KATNBL1: variants seen among roughly 807,000 people sequenced by gnomAD.
KATNBL1 encodes the protein KATNB1-like protein 1.
Under a neutral mutation model 44.7 loss-of-function variants are expected in KATNBL1, and 28 were observed. The ratio of observed to expected loss-of-function variants is 0.63; its 90% CI spans 0.46 to 0.86. The LOEUF (loss-of-function observed/expected upper bound fraction) is 0.86. Among genes scored for constraint, KATNBL1 ranks in the 40% least tolerant of loss-of-function variants. The probability of loss-of-function intolerance (pLI) is 0.00; values close to 1 mark genes in which losing one functional copy is unlikely to be tolerated. For synonymous variants in KATNBL1, 78 were observed against 114.9 expected (o/e 0.68, Z 2.06); for missense variants, 272 against 350.7 (o/e 0.78, Z 1.79).
At chr15:34,152,606 T>C (rs577248019) in intron 4 of KATNBL1, among the ~76,000 whole-genome samples, 184 bp downstream of exon 4, 1 of 152,348 alleles carries the variant, frequency 6.6e-6, no homozygotes, top group Admixed American at 6.5e-5. Context: ...CTTAGAGAAA[T>C]GGAATAAATT....
At chr15:34,193,881 TCAC>T (rs1889960741) in intron 1 of KATNBL1, among the ~76,000 whole-genome samples, 1 of 55,252 alleles carries the variant, frequency 1.8e-5, no homozygotes, top group Non-Finnish European at 4.2e-5. Context: ...AAAAAAAAAA[TCAC>T]CAGCAAAATC....
At chr15:34,189,821 T>C (rs1889822145) in intron 1 of KATNBL1, among the ~76,000 whole-genome samples, 1 of 152,218 alleles carries the variant, frequency 6.6e-6, no homozygotes, top group Non-Finnish European at 1.5e-5. Context: ...AATGTTACCT[T>C]TGTATGTTTC....
Position 34,163,709 on chromosome 15 carries a change from T to C in KATNBL1, c.-14-19A>G. On this transcript the variant is annotated intron_variant, in intron 1 of 9. Coordinates refer to ENST00000256544, the MANE Select transcript of KATNBL1 (RefSeq NM_024713.3). Reference sequence around the variant, plus strand: ...TAAGTACCTAGACAATAAAATAAAATAGAAAATTAAAACAGCAAAAAGAGT... The same window carrying C: ...TAAGTACCTAGACAATAAAATAAAACAGAAAATTAAAACAGCAAAAAGAGT... 1 of 1,394,192 alleles carries C rather than the reference T, an allele frequency of 7.2e-7. No homozygotes were observed. Among genetic ancestry groups the C allele is most frequent in the Non-Finnish European group, 9.8e-7 (1 of 1,025,044 alleles). The allele number at this position is 1,394,192 out of a possible 1,614,324, so 86.4% of individuals were successfully genotyped here.
intron 1 of KATNBL1, among the ~76,000 whole-genome samples, chr15:34,200,983 AT>A (rs1169331482): frequency 6.6e-6 from 1 of 151,844 alleles, no homozygotes; most frequent in African/African-American, 2.4e-5. Context: ...CACCTGGCTA[AT>A]TTTTTGTATT....
chr15:34,203,509 C>A (rs994567880), intron 1 of KATNBL1, among the ~76,000 whole-genome samples: 21 of 152,208 alleles, frequency 1.4e-4, no homozygotes, highest in African/African-American at 5.1e-4. Flanking sequence ...TCAAGAATAA[C>A]CCCACCCTCA....
At chr15:34,205,829 C>T (rs1001217808) in intron 1 of KATNBL1, among the ~76,000 whole-genome samples, 1 of 152,178 alleles carries the variant, frequency 6.6e-6, no homozygotes, top group Non-Finnish European at 1.5e-5. Context: ...AAACAAAAAT[C>T]CCTGCTGTAC....
chr15:34,142,760 G>C (rs1328901201), intron 9 of KATNBL1: 1 of 261,248 alleles, frequency 3.8e-6, no homozygotes, highest in Non-Finnish European at 7.5e-6. Context: ...TCACCAGGCT[G>C]AAGTGCAGTG....
At chr15:34,201,221 T>C (rs111651959) in intron 1 of KATNBL1, among the ~76,000 whole-genome samples, 1,860 of 151,986 alleles carry the variant, frequency 0.012, 14 homozygotes, top group Middle Eastern at 0.044. Flanking sequence ...TCACCATCCA[T>C]AGTTGTGGAC....
At chr15:34,191,805 GGCGTGGTGGCGGGC>G in intron 1 of KATNBL1, among the ~76,000 whole-genome samples, 1 of 151,758 alleles carries the variant, frequency 6.6e-6, no homozygotes, top group East Asian at 2.0e-4. Context: ...AAATTAGCTG[GGCGTGGTGGCGGGC>G]GCCTGTAGTC....
chr15:34,153,182 GAAAT>G, intron 3 of KATNBL1, 113 bp from the exon 4 acceptor site: 1 of 601,426 alleles, frequency 1.7e-6, no homozygotes, highest in Admixed American at 3.6e-5. Context: ...ACTAAAATTA[GAAAT>G]AAATAGAATT....
intron 1 of KATNBL1, among the ~76,000 whole-genome samples, chr15:34,191,886 G>A (rs983385790): frequency 1.8e-4 from 26 of 148,556 alleles, no homozygotes; most frequent in Non-Finnish European, 2.8e-4. Flanking sequence ...GGCAGAGCTT[G>A]CAGTGAGCCG....
intron 9 of KATNBL1, chr15:34,143,144 T>G: frequency 2.1e-5 from 11 of 530,016 alleles, no homozygotes; most frequent in Non-Finnish European, 2.9e-5. Context: ...AATGGTACCT[T>G]AAAGTCATAT....
Position 34,187,170 on chromosome 15 carries a change from G to A in KATNBL1, c.-15+22781C>T, listed in dbSNP as rs555227135. On this transcript the variant is annotated intron_variant, in intron 1 of 9. Coordinates refer to ENST00000256544, the MANE Select transcript of KATNBL1 (RefSeq NM_024713.3). The stretch of plus-strand genomic sequence containing the variant: ...AGTACCCGCTCCGCTGAATGCTGCA[G>A]ACGACCAGGCGGAAGAGAGAAGCTG... 8.5e-5 allele frequency among the ~76,000 whole-genome samples: 13 copies of A among 152,332 alleles called. No individual in the cohort carries two copies. The South Asian group carries it at 2.7e-3, about 32-fold the overall frequency.
intron 1 of KATNBL1, among the ~76,000 whole-genome samples, chr15:34,208,148 T>C (rs1008974031): frequency 1.1e-4 from 17 of 152,214 alleles, no homozygotes; most frequent in African/African-American, 2.2e-4. Context: ...TTTGGTTACA[T>C]GAATCAGTTC....
At chr15:34,201,840 GA>G (rs999946063) in intron 1 of KATNBL1, among the ~76,000 whole-genome samples, 21 of 151,828 alleles carry the variant, frequency 1.4e-4, no homozygotes, top group African/African-American at 5.1e-4. Flanking sequence ...AAACTATTTA[GA>G]AAAAAAATAC....
chr15:34,201,438 G>C (rs1286033331), intron 1 of KATNBL1, among the ~76,000 whole-genome samples: 6 of 152,148 alleles, frequency 3.9e-5, no homozygotes, highest in African/African-American at 9.7e-5. Flanking sequence ...GTGTGGCTAG[G>C]GGGTGAAGGG....
intron 1 of KATNBL1, among the ~76,000 whole-genome samples, chr15:34,204,943 C>G (rs1010696080): frequency 6.7e-6 from 1 of 150,270 alleles, no homozygotes; most frequent in African/African-American, 2.5e-5. Flanking sequence ...CTATTCTTGA[C>G]GATTATTTAT....
intron 1 of KATNBL1, among the ~76,000 whole-genome samples, chr15:34,175,989 C>T (rs1889319237): frequency 6.6e-6 from 1 of 152,034 alleles, no homozygotes; most frequent in Non-Finnish European, 1.5e-5. Context: ...TTCACAATAG[C>T]CAAAAAGCAA....
In KATNBL1 at chr15:34,148,684, A is replaced by G; in HGVS notation, c.505T>C (p.Leu169=). ...ATACTTCTCTTTCTCCAGAAAGTTAAAGCTACATTCAATCTCATATTCCTG... is the reference window on the plus strand; with the variant it reads ...ATACTTCTCTTTCTCCAGAAAGTTAGAGCTACATTCAATCTCATATTCCTG... ...FSRNMRLNVA[L]TFWRKRSISE... Residue 169 remains leucine, a synonymous_variant, in exon 5 of 10, where the codon TTA becomes CTA. Transcript: ENST00000256544. 1 of 1,612,944 alleles carries G rather than the reference A, an allele frequency of 6.2e-7. No homozygotes were observed. The highest frequency in any genetic ancestry group is 8.5e-7 in the Non-Finnish European group (1 of 1,178,960).
Sources: allele counts gnomAD v4.1 joint callset (sites outside exome capture counted in the v4.1 genomes callset), GRCh38; gene constraint gnomAD v4.1.1; transcripts MANE v1.5; gene names NCBI Gene and HGNC (gene_info 2026-07-23, HGNC 2026-07-21).